Variants in PRKAR1B observed in about 807,000 individuals in gnomAD.
PRKAR1B encodes protein kinase cAMP-dependent type I regulatory subunit beta.
In PRKAR1B, 22 loss-of-function variants were observed where a neutral mutation model predicts 46.5. That is an observed-to-expected ratio of 0.47 (90% CI 0.34 to 0.68). The LOEUF (loss-of-function observed/expected upper bound fraction) is 0.68, where lower values mean the gene tolerates loss of function less well. Among genes scored for constraint, PRKAR1B ranks in the 30% least tolerant of loss-of-function variants. PRKAR1B has a pLI of 0.01. For missense variants in PRKAR1B, 445 were observed against 535.6 expected, an observed-to-expected ratio of 0.83 and a Z score of 1.67; for synonymous variants, 259 against 217.7, an observed-to-expected ratio of 1.19 and a Z score of -1.67.
intron 4 of PRKAR1B, among the ~76,000 whole-genome samples, chr7:635,915 T>C (rs941290598): frequency 8.6e-5 from 13 of 151,826 alleles, no homozygotes; most frequent in Non-Finnish European, 2.9e-5. Flanking sequence ...TCACGAAGCA[T>C]TGTAAAAGTA....
chr7:615,505 G>GA, intron 4 of PRKAR1B, among the ~76,000 whole-genome samples: 1 of 149,996 alleles, frequency 6.7e-6, no homozygotes, highest in Non-Finnish European at 1.5e-5. Flanking sequence ...GAAAGGAAAG[G>GA]AAAAAAGGAA....
chr7:596,278 G>A lies in PRKAR1B; in HGVS notation c.576C>T (p.Thr192=). The change falls in exon 7 of 11, where the codon ACC becomes ACT. Residue 192 remains threonine (T), a synonymous_variant. Coordinates refer to ENST00000537384, the MANE Select transcript of PRKAR1B (RefSeq NM_001164760.2). ...CGAAGCTGCCTCCCTCGCTGATGTTGGTCACCCACTCTCCGTTCACGTACA... is the reference window on the plus strand; with the variant it reads ...CGAAGCTGCCTCCCTCGCTGATGTTAGTCACCCACTCTCCGTTCACGTACA... The part of the protein sequence containing the change: ...VDVYVNGEWV[T]NISEGGSFGE... 2 of 1,613,578 alleles carry A rather than the reference G, an allele frequency of 1.2e-6. No individual in the cohort carries two copies. The highest frequency in any genetic ancestry group is 2.2e-5 in the South Asian group (2 of 91,038).
At chr7:697,945 CGGGAG>C (rs1244325184) in intron 2 of PRKAR1B, among the ~76,000 whole-genome samples, 2 of 20,198 alleles carry the variant, frequency 9.9e-5, no homozygotes, top group Non-Finnish European at 1.8e-4. Context: ...AGGGAAGGGA[CGGGAG>C]GGAAGGGAAG....
At chr7:581,383 G>A (rs539200739) in intron 8 of PRKAR1B, among the ~76,000 whole-genome samples, 2 of 151,768 alleles carry the variant, frequency 1.3e-5, no homozygotes, top group Admixed American at 6.6e-5. Flanking sequence ...TCCCAAGCAG[G>A]CCAACACATC....
intron 7 of PRKAR1B, among the ~76,000 whole-genome samples, chr7:595,334 C>T (rs1034503262): frequency 7.9e-5 from 12 of 152,322 alleles, no homozygotes; most frequent in East Asian, 1.9e-4. Flanking sequence ...CAGTCCCCCC[C>T]GCCCCACTCC....
chr7:552,619 G>T (rs544241766), intron 9 of PRKAR1B, among the ~76,000 whole-genome samples: 1 of 151,666 alleles, frequency 6.6e-6, no homozygotes, highest in Non-Finnish European at 1.5e-5. Context: ...ACCACCGTCC[G>T]GCCTGGCCCA....
intron 9 of PRKAR1B, among the ~76,000 whole-genome samples, chr7:555,856 G>C (rs1462234042): frequency 6.6e-6 from 1 of 152,208 alleles, no homozygotes; most frequent in Non-Finnish European, 1.5e-5. Context: ...TTGCAGGAGG[G>C]GTGCTGCGAA....
At chr7:578,830 T>A (rs941487704) in intron 9 of PRKAR1B, 1 of 277,698 alleles carries the variant, frequency 3.6e-6, no homozygotes, top group Non-Finnish European at 6.9e-6. Context: ...TACAGGCATG[T>A]GCCACCACAC....
intron 4 of PRKAR1B, among the ~76,000 whole-genome samples, chr7:659,068 C>CGAAGATGTGCA (rs1554299205): frequency 5.9e-5 from 9 of 152,124 alleles, no homozygotes; most frequent in Non-Finnish European, 1.2e-4. Context: ...AGACACTCTG[C>CGAAGATGTGCA]GGAGATGTGC....
chr7:618,792 G>T (rs1782966267), intron 4 of PRKAR1B, among the ~76,000 whole-genome samples: 1 of 152,166 alleles, frequency 6.6e-6, no homozygotes, highest in Non-Finnish European at 1.5e-5. Context: ...GAAATTCCTT[G>T]TGTGTTTTAG....
chr7:639,513 G>T (rs11543855), intron 4 of PRKAR1B, among the ~76,000 whole-genome samples: 24,443 of 152,112 alleles, frequency 0.16, 2,174 homozygotes, highest in South Asian at 0.3. Context: ...TAATGTGGGT[G>T]AAGCAAAGAG....
intron 4 of PRKAR1B, 44 bp from the exon 5 acceptor site, chr7:607,496 G>C: frequency 1.3e-6 from 2 of 1,545,966 alleles, no homozygotes; most frequent in Non-Finnish European, 1.8e-6. Flanking sequence ...GGCAGCACAG[G>C]GACATTTAAA....
chr7:557,391 G>A (rs550117874), intron 9 of PRKAR1B, among the ~76,000 whole-genome samples: 8 of 152,304 alleles, frequency 5.3e-5, no homozygotes, highest in Admixed American at 1.3e-4. Flanking sequence ...TCTTTCCACC[G>A]CACTGTTGCA....
chr7:584,495 C>T lies in PRKAR1B; in HGVS notation c.769+13G>A, dbSNP rs370508759. ...GTCGGGACACACAGCCGTGCAGGGG[C>T]GCAGCCACTGACCTAGGATGGAGAC... is the stretch of plus-strand genomic sequence containing the variant. On this transcript the variant is annotated intron_variant, in intron 8 of 10. Coordinates refer to ENST00000537384, the MANE Select transcript of PRKAR1B (RefSeq NM_001164760.2). The T allele has an allele frequency of 5.0e-6, 8 of 1,613,040 alleles. No individual in the cohort carries two copies. The highest frequency in any genetic ancestry group is 4.0e-5 in the African/African-American group (3 of 74,928).
In PRKAR1B at chr7:672,971, G is replaced by T. The variant is rs151097375; in HGVS notation, c.440+4258C>A. ...GAGGTAGGAGAATCACTTGAGCACGGAAGGCCGAGGCTGCAGTGAGCTATG... is the reference window on the plus strand; with the variant it reads ...GAGGTAGGAGAATCACTTGAGCACGTAAGGCCGAGGCTGCAGTGAGCTATG... On this transcript the variant is annotated intron_variant, in intron 4 of 10. Coordinates refer to ENST00000537384, the MANE Select transcript of PRKAR1B (RefSeq NM_001164760.2). Among the ~76,000 whole-genome samples the T allele has an allele frequency of 4.0e-3, 604 of 149,896 alleles. 5 individuals are homozygous for T. The highest frequency in any genetic ancestry group is 6.4e-3 in the Admixed American group (96 of 14,936).
intron 2 of PRKAR1B, 98 bp downstream of exon 2, chr7:711,231 C>G: frequency 6.7e-7 from 1 of 1,497,164 alleles, no homozygotes; most frequent in Non-Finnish European, 9.1e-7. Context: ...GGGCACCCAG[C>G]CTTCGAGGAC....
At chr7:578,037 C>A (rs1486495354) in intron 9 of PRKAR1B, among the ~76,000 whole-genome samples, 1 of 152,154 alleles carries the variant, frequency 6.6e-6, no homozygotes, top group Non-Finnish European at 1.5e-5. Context: ...TGGAAAGGGG[C>A]GGGAGCGCCC....
At chr7:709,938 G>A (rs1407400381) in intron 2 of PRKAR1B, among the ~76,000 whole-genome samples, 1 of 152,166 alleles carries the variant, frequency 6.6e-6, no homozygotes, top group Non-Finnish European at 1.5e-5. Flanking sequence ...CACCGTATCT[G>A]GCCTACAACT....
intron 4 of PRKAR1B, among the ~76,000 whole-genome samples, chr7:650,152 G>T (rs1784826538): frequency 6.6e-6 from 1 of 152,152 alleles, no homozygotes; most frequent in Non-Finnish European, 1.5e-5. Context: ...ATCTGGCCAT[G>T]CCGTTGTGAG....
Sources: allele counts gnomAD v4.1 joint callset (sites outside exome capture counted in the v4.1 genomes callset), GRCh38; gene constraint gnomAD v4.1.1; transcripts MANE v1.5; gene names NCBI Gene and HGNC (gene_info 2026-07-23, HGNC 2026-07-21).